IQCM: variants seen among roughly 807,000 people sequenced by gnomAD.
The protein encoded by IQCM is IQ motif containing M.
In IQCM, 45 loss-of-function variants were observed where a neutral mutation model predicts 57.6. That is an observed-to-expected ratio of 0.78 (90% CI 0.62 to 1.00). The LOEUF is 1.00. Among genes scored for constraint, IQCM ranks in the 50% least tolerant of loss-of-function variants. IQCM has a pLI of 0.00. For missense variants in IQCM, 468 were observed against 511.6 expected (o/e 0.91, Z 0.82); for synonymous variants, 148 against 158.9 (o/e 0.93, Z 0.51).
At chr4:149,462,513 A>G (rs953488190) in intron 12 of IQCM, among the ~76,000 whole-genome samples, 1 of 152,196 alleles carries the variant, frequency 6.6e-6, no homozygotes, top group Admixed American at 6.5e-5. Context: ...TCCCATCTCT[A>G]CAACAGCACC....
chr4:149,483,726 A>G (rs962356013), intron 12 of IQCM, among the ~76,000 whole-genome samples: 39 of 151,996 alleles, frequency 2.6e-4, no homozygotes, highest in Non-Finnish European at 4.9e-4. Context: ...TATGCTGAAG[A>G]AAATAATGTG....
intron 12 of IQCM, among the ~76,000 whole-genome samples, chr4:149,538,305 G>A (rs2149870674): frequency 6.6e-6 from 1 of 151,774 alleles, no homozygotes; most frequent in Admixed American, 6.6e-5. Context: ...AATTATTTTA[G>A]CATTTATCTA....
chr4:149,492,272 A>G (rs1410159759), intron 12 of IQCM, among the ~76,000 whole-genome samples: 3 of 152,068 alleles, frequency 2.0e-5, no homozygotes, highest in Non-Finnish European at 1.5e-5. Context: ...CATATCAGGA[A>G]AGGTAATTTT....
chr4:149,521,796 C>CT (rs1000707668), intron 12 of IQCM, among the ~76,000 whole-genome samples: 35 of 152,146 alleles, frequency 2.3e-4, no homozygotes, highest in African/African-American at 8.0e-4. Context: ...GCCTGCAGTC[C>CT]TCTCCCACTG....
chr4:149,604,900 G>A (rs1318909188), intron 8 of IQCM, among the ~76,000 whole-genome samples: 4 of 152,160 alleles, frequency 2.6e-5, no homozygotes, highest in Non-Finnish European at 4.4e-5. Flanking sequence ...CCCCAGGGCA[G>A]GCACAGTCTG....
chr4:149,360,748 T>C (rs6535676), intron 13 of IQCM, among the ~76,000 whole-genome samples: 42,883 of 152,114 alleles, frequency 0.28, 6,200 homozygotes, highest in Middle Eastern at 0.33. Context: ...GTAAATCCAA[T>C]TAAACCTCTT....
chr4:149,379,140 G>A (rs1417872900), intron 13 of IQCM, among the ~76,000 whole-genome samples: 17 of 152,340 alleles, frequency 1.1e-4, no homozygotes, highest in African/African-American at 3.8e-4. Context: ...GTATGGAAAC[G>A]CCTGGATGTC....
At chr4:149,640,392 T>A (rs1484099880) in intron 7 of IQCM, among the ~76,000 whole-genome samples, 1 of 152,162 alleles carries the variant, frequency 6.6e-6, no homozygotes, top group African/African-American at 2.4e-5. Context: ...AACACAGTAA[T>A]CAATAAAGTT....
Position 149,414,325 on chromosome 4 carries a change from G to T in IQCM, c.1390+19071C>A, listed in dbSNP as rs1733593249. Among the ~76,000 whole-genome samples, 3 of 152,202 alleles carry T rather than the reference G, an allele frequency of 2.0e-5. No homozygotes were observed. In the South Asian group the frequency reaches 6.2e-4, roughly 32 times the overall value. Reference sequence around the variant, plus strand: ...TATCTTCTTCATAAAAGATGATTTTGCCCAAAACCGATGCCTCAAATTACC... The same window carrying T: ...TATCTTCTTCATAAAAGATGATTTTTCCCAAAACCGATGCCTCAAATTACC... On this transcript the variant is annotated intron_variant, in intron 13 of 13. Coordinates refer to ENST00000636793, the MANE Select transcript of IQCM (RefSeq NM_001363507.2).
chr4:149,460,043 CA>C (rs1311340195), intron 12 of IQCM, among the ~76,000 whole-genome samples: 1 of 152,076 alleles, frequency 6.6e-6, no homozygotes, highest in Non-Finnish European at 1.5e-5. Flanking sequence ...CAACGGTACA[CA>C]AGGGTTCCAA....
At chr4:149,508,603 C>T (rs757643486) in intron 12 of IQCM, among the ~76,000 whole-genome samples, 23 of 152,124 alleles carry the variant, frequency 1.5e-4, no homozygotes, top group Non-Finnish European at 1.5e-4. Context: ...TGCCTGTACC[C>T]GTATGTGGGA....
chr4:149,759,668 T>A (rs557315834), intron 2 of IQCM, among the ~76,000 whole-genome samples: 4 of 152,152 alleles, frequency 2.6e-5, no homozygotes, highest in African/African-American at 7.2e-5. Flanking sequence ...ATCATTTTTT[T>A]AAAAAAGAAT....
intron 2 of IQCM, among the ~76,000 whole-genome samples, chr4:149,803,551 T>G (rs1773803236): frequency 6.6e-6 from 1 of 152,010 alleles, no homozygotes; most frequent in Non-Finnish European, 1.5e-5. Flanking sequence ...CTGGTACAGT[T>G]GAGTCTGATT....
At chr4:149,788,346 A>G (rs897518916) in intron 2 of IQCM, among the ~76,000 whole-genome samples, 1 of 151,884 alleles carries the variant, frequency 6.6e-6, no homozygotes, top group Non-Finnish European at 1.5e-5. Context: ...AAAACAAAAA[A>G]CAAAAACAAC....
At chr4:149,686,994 G>T (rs1031314796) in intron 5 of IQCM, among the ~76,000 whole-genome samples, 5 of 151,680 alleles carry the variant, frequency 3.3e-5, no homozygotes, top group South Asian at 4.1e-4. Context: ...AGTCTAAAGA[G>T]AAATTTACAT....
rs567937910 is a variant in IQCM at position 149,623,304 on chromosome 4, T to C, written c.566-2060A>G. On this transcript the variant is annotated intron_variant, in intron 7 of 13. Coordinates refer to ENST00000636793, the MANE Select transcript of IQCM (RefSeq NM_001363507.2). ...ACCCAATATATGAAACTAAAACCTA[T>C]ACAACTTATTTTTCCAATAGAGTCC... 8.5e-5 allele frequency among the ~76,000 whole-genome samples: 13 copies of C among 152,306 alleles called. No homozygotes were observed. The South Asian group carries it at 2.5e-3, about 29-fold the overall frequency.
At chr4:149,369,274 C>T (rs1452751155) in intron 13 of IQCM, among the ~76,000 whole-genome samples, 3 of 151,628 alleles carry the variant, frequency 2.0e-5, no homozygotes, top group Non-Finnish European at 4.4e-5. Context: ...GAACTCCTGA[C>T]TTCAGGTGAT....
chr4:149,481,706 T>TTTTTTTTTGTTTTTTG (rs1553975416), intron 12 of IQCM, among the ~76,000 whole-genome samples: 4 of 133,368 alleles, frequency 3.0e-5, no homozygotes, highest in Admixed American at 7.5e-5. Flanking sequence ...GTTTTGTTTT[T>TTTTTTTTTGTTTTTTG]TTTTTTTTTT....
intron 8 of IQCM, among the ~76,000 whole-genome samples, chr4:149,616,408 A>C (rs914729816): frequency 6.6e-6 from 1 of 152,132 alleles, no homozygotes; most frequent in African/African-American, 2.4e-5. Context: ...CAGAAAGTAG[A>C]ATGGTGGTTT....
Sources: allele counts gnomAD v4.1 joint callset (sites outside exome capture counted in the v4.1 genomes callset), GRCh38; gene constraint gnomAD v4.1.1; transcripts MANE v1.5; gene names NCBI Gene and HGNC (gene_info 2026-07-23, HGNC 2026-07-21).